The following ARHGAP19 variants were observed in gnomAD, a reference collection of about 807,000 sequenced individuals.
ARHGAP19 encodes rho GTPase-activating protein 19.
In ARHGAP19, 48 loss-of-function variants were observed where a neutral mutation model predicts 60.9. The observed-to-expected ratio is 0.79, with a 90% CI of 0.62 to 1.00. The LOEUF is 1.00. Among genes scored for constraint, ARHGAP19 ranks in the 50% least tolerant of loss-of-function variants. ARHGAP19 has a pLI of 0.00. For missense variants in ARHGAP19, 562 were observed against 597.2 expected (o/e 0.94, Z 0.61); for synonymous variants, 209 against 215.5 (o/e 0.97, Z 0.27).
At chr10:97,256,234 A>T in intron 6 of ARHGAP19, 84 bp downstream of exon 6, 4 of 1,098,310 alleles carry the variant, frequency 3.6e-6, no homozygotes, top group Admixed American at 3.7e-5. Flanking sequence ...TTTCTCGTTT[A>T]GTTATCTTTA....
intron 1 of ARHGAP19, among the ~76,000 whole-genome samples, chr10:97,285,435 T>G (rs1192024884): frequency 6.6e-6 from 1 of 151,556 alleles, no homozygotes; most frequent in Non-Finnish European, 1.5e-5. Flanking sequence ...TGAGCTCAAG[T>G]GATCCTCCTG....
chr10:97,242,959 GT>G (rs1007109439), intron 8 of ARHGAP19, among the ~76,000 whole-genome samples: 1 of 152,148 alleles, frequency 6.6e-6, no homozygotes, highest in African/African-American at 2.4e-5. Context: ...CGGTATCAGT[GT>G]TCTTGTTGAA....
At chr10:97,248,978 G>T (rs899996520) in intron 6 of ARHGAP19, among the ~76,000 whole-genome samples, 5 of 151,964 alleles carry the variant, frequency 3.3e-5, no homozygotes, top group African/African-American at 9.7e-5. Context: ...CATCACGCCC[G>T]GCTAATTTTT....
At chr10:97,255,644 A>G (rs1051026771) in intron 6 of ARHGAP19, among the ~76,000 whole-genome samples, 11 of 152,182 alleles carry the variant, frequency 7.2e-5, no homozygotes, top group African/African-American at 2.7e-4. Flanking sequence ...AAGGTCAAGG[A>G]TGTGACTGTG....
intron 9 of ARHGAP19, among the ~76,000 whole-genome samples, chr10:97,233,041 A>G (rs1851055039): frequency 6.6e-6 from 1 of 151,912 alleles, no homozygotes; most frequent in African/African-American, 2.4e-5. Flanking sequence ...CCCAGCTACT[A>G]GGGAGGCTGA....
intron 9 of ARHGAP19, among the ~76,000 whole-genome samples, chr10:97,232,786 C>T (rs1364455647): frequency 1.3e-5 from 2 of 152,104 alleles, no homozygotes; most frequent in Non-Finnish European, 2.9e-5. Context: ...GACACAGTGG[C>T]TCACATCTGT....
At chr10:97,239,551 G>GGTGTGTGTGTGTGT (rs201308961) in intron 8 of ARHGAP19, among the ~76,000 whole-genome samples, 6 of 20,218 alleles carry the variant, frequency 3.0e-4, no homozygotes, top group African/African-American at 4.2e-4. Flanking sequence ...AGAGAGAGAG[G>GGTGTGTGTGTGTGT]GTGTGTGTGT....
intron 9 of ARHGAP19, among the ~76,000 whole-genome samples, chr10:97,231,152 A>T (rs1851008598): frequency 6.6e-6 from 1 of 151,142 alleles, no homozygotes; most frequent in African/African-American, 2.4e-5. Flanking sequence ...CATCTCTATG[A>T]CAGGGAAGTC....
chr10:97,292,106 T>C (rs180942297), intron 1 of ARHGAP19, among the ~76,000 whole-genome samples: 33 of 142,668 alleles, frequency 2.3e-4, no homozygotes, highest in South Asian at 4.6e-4. Context: ...ATGAAGAAAC[T>C]GAAGTCGAGA....
At chr10:97,228,389 A>G (rs1027108532) in intron 11 of ARHGAP19, among the ~76,000 whole-genome samples, 74 of 152,368 alleles carry the variant, frequency 4.9e-4, no homozygotes, top group African/African-American at 1.7e-3. Flanking sequence ...TTTAACAATG[A>G]CAATGTGCTG....
At chr10:97,258,938 T>C (rs1389228894) in intron 5 of ARHGAP19, among the ~76,000 whole-genome samples, 1 of 152,078 alleles carries the variant, frequency 6.6e-6, no homozygotes, top group Non-Finnish European at 1.5e-5. Context: ...CTACAGGAAA[T>C]ACAAAAGTCA....
chr10:97,239,546 G>GGT (rs1564713407), intron 8 of ARHGAP19, among the ~76,000 whole-genome samples: 21 of 105,972 alleles, frequency 2.0e-4, no homozygotes, highest in African/African-American at 8.2e-4. Context: ...GAGAGAGAGA[G>GGT]AGAGGGTGTG....
chr10:97,252,521 G>A (rs1300695344), intron 6 of ARHGAP19, among the ~76,000 whole-genome samples: 2 of 151,936 alleles, frequency 1.3e-5, no homozygotes, highest in African/African-American at 2.4e-5. Context: ...CTACTCGGGA[G>A]GCTGAGGCAG....
intron 10 of ARHGAP19, 47 bp downstream of exon 10, chr10:97,229,717 T>C (rs1850967626): frequency 7.1e-7 from 1 of 1,406,860 alleles, no homozygotes; most frequent in Non-Finnish European, 9.8e-7. Context: ...TCCTCTTTTC[T>C]ACAAATATAT....
rs1444906292 is a variant in ARHGAP19 at position 97,226,082 on chromosome 10, G to C, written c.*40C>G. On this transcript the variant is annotated 3_prime_UTR_variant, in exon 12 of 12. Coordinates refer to ENST00000358531, the MANE Select transcript of ARHGAP19 (RefSeq NM_032900.6). ...AGGAATAACACCTGCCCACTAAACA[G>C]AAAATTCTGCATGGACCATAGGAGA... 1.2e-6 allele frequency: 2 copies of C among 1,610,114 alleles called. No homozygotes were observed. The highest frequency in any genetic ancestry group is 8.5e-7 in the Non-Finnish European group (1 of 1,177,670).
intron 1 of ARHGAP19, chr10:97,270,787 T>TC: frequency 2.4e-6 from 2 of 825,894 alleles, no homozygotes; most frequent in Non-Finnish European, 3.6e-6. Context: ...TACTTAGGAC[T>TC]CTGAGCACTC....
At chr10:97,253,962 G>A (rs1001548307) in intron 6 of ARHGAP19, among the ~76,000 whole-genome samples, 51 of 152,240 alleles carry the variant, frequency 3.3e-4, no homozygotes, top group African/African-American at 1.1e-3. Context: ...CCATGGATAA[G>A]AGGGAACTAC....
intron 11 of ARHGAP19, among the ~76,000 whole-genome samples, chr10:97,228,066 T>C (rs1850931501): frequency 6.6e-6 from 1 of 152,122 alleles, no homozygotes; most frequent in Non-Finnish European, 1.5e-5. Flanking sequence ...CAAACCCCCA[T>C]CTTGTCTCAA....
intron 8 of ARHGAP19, among the ~76,000 whole-genome samples, chr10:97,242,950 G>A (rs1193828651): frequency 2.6e-5 from 4 of 152,014 alleles, no homozygotes; most frequent in South Asian, 2.1e-4. Flanking sequence ...GCGCCCAGCC[G>A]GTATCAGTGT....
Sources: gnomAD v4.1 joint callset for allele counts (sites outside exome capture counted in the v4.1 genomes callset) on GRCh38, gnomAD v4.1.1 for gene constraint, MANE v1.5 for transcripts, NCBI Gene and HGNC (gene_info 2026-07-23, HGNC 2026-07-21) for gene names.